PGS1: variants seen among roughly 807,000 people sequenced by gnomAD.
PGS1 encodes the protein phosphatidylglycerophosphate synthase 1.
In PGS1, 44 loss-of-function variants were observed where a neutral mutation model predicts 58.3. The ratio of observed to expected loss-of-function variants is 0.75; its 90% CI spans 0.59 to 0.97. The LOEUF is 0.97. Ranked by LOEUF, PGS1 falls within the 50% of genes least tolerant of loss-of-function variation. PGS1 has a pLI of 0.00. For missense variants in PGS1, 684 were observed against 731.1 expected, an observed-to-expected ratio of 0.94 and a Z score of 0.74; for synonymous variants, 330 against 311.0, an observed-to-expected ratio of 1.06 and a Z score of -0.64.
chr17:78,418,091 G>T (rs531563298), intron 8 of PGS1, among the ~76,000 whole-genome samples: 4 of 151,676 alleles, frequency 2.6e-5, no homozygotes, highest in African/African-American at 9.7e-5. Context: ...CATCACGCCC[G>T]GCTAATGTTT....
intron 2 of PGS1, among the ~76,000 whole-genome samples, chr17:78,393,881 A>G (rs1273323309): frequency 7.0e-6 from 1 of 142,332 alleles, no homozygotes; most frequent in Non-Finnish European, 1.5e-5. Flanking sequence ...ATTAGCAGTG[A>G]TATTAGAATG....
intron 2 of PGS1, among the ~76,000 whole-genome samples, chr17:78,395,627 T>TA (rs1395092546): frequency 6.6e-6 from 1 of 152,142 alleles, no homozygotes; most frequent in Non-Finnish European, 1.5e-5. Context: ...TGATTTGGGG[T>TA]ATCATCTTGG....
chr17:78,385,506 G>A (rs1311003864), intron 1 of PGS1, among the ~76,000 whole-genome samples: 1 of 152,196 alleles, frequency 6.6e-6, no homozygotes, highest in African/African-American at 2.4e-5. Flanking sequence ...AGCCAGGATG[G>A]TCTCGATCTC....
intron 1 of PGS1, among the ~76,000 whole-genome samples, chr17:78,382,204 A>G (rs999244418): frequency 1.3e-5 from 2 of 152,206 alleles, no homozygotes; most frequent in Admixed American, 6.5e-5. Flanking sequence ...AACCATTTCC[A>G]GGAGCTGACT....
rs535320344 is a variant in PGS1 at position 78,379,241 on chromosome 17, T to C, written c.143+433T>C. 1.4e-3 allele frequency among the ~76,000 whole-genome samples: 217 copies of C among 152,300 alleles called. 2 individuals carry two copies. Among genetic ancestry groups the C allele is most frequent in the African/African-American group, 4.8e-3 (201 of 41,568 alleles). ...AGTTCAGAGGGGTCTTTTCCTTAGG[T>C]AAGCCTGGCTGTGAGTGAATCACCG... is the stretch of plus-strand genomic sequence containing the variant. On this transcript the variant is annotated intron_variant, in intron 1 of 9. Transcript: ENST00000262764.
intron 1 of PGS1, chr17:78,382,788 G>A (rs11656568): frequency 0.42 from 63,137 of 151,034 alleles, 14,388 homozygotes; most frequent in Admixed American, 0.51. Flanking sequence ...GAATACAGGT[G>A]CCCGCCACCA....
intron 1 of PGS1, among the ~76,000 whole-genome samples, chr17:78,381,210 ATC>A (rs1317411729): frequency 6.6e-6 from 1 of 152,064 alleles, no homozygotes; most frequent in African/African-American, 2.4e-5. Context: ...TGACTTTCTA[ATC>A]TCTTTTTTTT....
intron 2 of PGS1, among the ~76,000 whole-genome samples, chr17:78,394,477 G>A (rs941091328): frequency 1.3e-5 from 2 of 152,086 alleles, no homozygotes; most frequent in Admixed American, 6.6e-5. Flanking sequence ...TGTTTGTACC[G>A]AATGATGCTG....
intron 7 of PGS1, among the ~76,000 whole-genome samples, chr17:78,409,087 A>C (rs977721832): frequency 6.6e-6 from 1 of 152,216 alleles, no homozygotes; most frequent in African/African-American, 2.4e-5. Flanking sequence ...GTGTCAAGCC[A>C]GTTCTTATGT....
intron 1 of PGS1, among the ~76,000 whole-genome samples, chr17:78,386,907 G>T (rs764478286): frequency 2.0e-5 from 3 of 152,168 alleles, no homozygotes; most frequent in Non-Finnish European, 4.4e-5. Flanking sequence ...AGCAAGAACT[G>T]GCTCCTTCTG....
chr17:78,418,225 C>T (rs368283817), intron 8 of PGS1, among the ~76,000 whole-genome samples: 6 of 152,122 alleles, frequency 3.9e-5, no homozygotes, highest in Non-Finnish European at 5.9e-5. Flanking sequence ...CCACCGCGCC[C>T]GGCCGCATAT....
At chr17:78,394,577 C>T (rs969726624) in intron 2 of PGS1, among the ~76,000 whole-genome samples, 4 of 151,270 alleles carry the variant, frequency 2.6e-5, no homozygotes, top group African/African-American at 4.9e-5. Flanking sequence ...TTTTTTAAGA[C>T]GGAGTTTCGC....
intron 8 of PGS1, among the ~76,000 whole-genome samples, chr17:78,418,713 G>T (rs1326155547): frequency 6.6e-6 from 1 of 152,114 alleles, no homozygotes; most frequent in African/African-American, 2.4e-5. Flanking sequence ...AGCTTTATAA[G>T]GTTCTTGATA....
chr17:78,404,866 G>T lies in PGS1; in HGVS notation c.1402+777G>T, dbSNP rs575824653. 7.9e-5 allele frequency among the ~76,000 whole-genome samples: 12 copies of T among 152,220 alleles called. No homozygotes were observed. In the East Asian group the frequency reaches 2.3e-3, roughly 29 times the overall value. On this transcript the variant is annotated intron_variant, in intron 7 of 9. Transcript: ENST00000262764. ...GTAGAGATTGGGTTTCTCCATGTTG[G>T]TCAGGCTGGCCTTGAACTCCTGACT...
intron 2 of PGS1, among the ~76,000 whole-genome samples, chr17:78,395,022 A>G (rs2083123642): frequency 6.6e-6 from 1 of 151,054 alleles, no homozygotes; most frequent in Non-Finnish European, 1.5e-5. Flanking sequence ...CAGCAGGCCG[A>G]GAAGACCCCA....
intron 7 of PGS1, among the ~76,000 whole-genome samples, chr17:78,410,911 C>T (rs951179642): frequency 3.3e-5 from 5 of 152,220 alleles, no homozygotes; most frequent in African/African-American, 1.2e-4. Flanking sequence ...GAATGGGTCA[C>T]TGGGTACCAG....
chr17:78,415,094 G>A, intron 8 of PGS1, 67 bp downstream of exon 8: 2 of 1,569,434 alleles, frequency 1.3e-6, no homozygotes, highest in Non-Finnish European at 1.7e-6. Flanking sequence ...GCTCACCCGT[G>A]CTGTGGGGCT....
At chr17:78,422,312 G>A (rs1322334708) in intron 9 of PGS1, among the ~76,000 whole-genome samples, 4 of 152,104 alleles carry the variant, frequency 2.6e-5, no homozygotes, top group African/African-American at 9.7e-5. Context: ...CGCCAGGAGG[G>A]GAGGATTTTT....
At chr17:78,420,712 A>AT (rs2085650227) in intron 9 of PGS1, 1 of 152,160 alleles carries the variant, frequency 6.6e-6, no homozygotes, top group Non-Finnish European at 1.5e-5. Flanking sequence ...TTTCCTAGTT[A>AT]TTTTAATTAC....
Sources: allele counts gnomAD v4.1 joint callset (sites outside exome capture counted in the v4.1 genomes callset), GRCh38; gene constraint gnomAD v4.1.1; transcripts MANE v1.5; gene names NCBI Gene and HGNC (gene_info 2026-07-23, HGNC 2026-07-21).